Variants in SREBF2 observed in about 807,000 individuals in gnomAD.
SREBF2 encodes sterol regulatory element binding transcription factor 2.
A neutral mutation model predicts 113.1 loss-of-function variants in SREBF2; 55 were observed. The ratio of observed to expected loss-of-function variants is 0.49; its 90% CI spans 0.39 to 0.61. The LOEUF (loss-of-function observed/expected upper bound fraction) is 0.61. Among genes scored for constraint, SREBF2 ranks in the 20% least tolerant of loss-of-function variants. The probability of loss-of-function intolerance (pLI) is 0.00; values close to 1 mark genes in which losing one functional copy is unlikely to be tolerated. For synonymous variants in SREBF2, 593 were observed against 605.7 expected (o/e 0.98, Z 0.31); for missense variants, 1,349 against 1,487.4 (o/e 0.91, Z 1.53).
intron 11 of SREBF2, among the ~76,000 whole-genome samples, chr22:41,892,335 G>A (rs1252807812): frequency 1.3e-5 from 2 of 152,170 alleles, no homozygotes; most frequent in South Asian, 4.1e-4. Flanking sequence ...GCCTAAAATA[G>A]TCTAAAAGAT....
At chr22:41,837,930 G>C (rs2076794659) in intron 1 of SREBF2, among the ~76,000 whole-genome samples, 1 of 151,476 alleles carries the variant, frequency 6.6e-6, no homozygotes, top group South Asian at 2.1e-4. Context: ...TAAAAAAAAA[G>C]TACTATAGGC....
At chr22:41,857,891 G>T (rs2076992301) in intron 1 of SREBF2, among the ~76,000 whole-genome samples, 2 of 152,180 alleles carry the variant, frequency 1.3e-5, no homozygotes, top group South Asian at 4.1e-4. Context: ...GAAGGATGTG[G>T]TTGAAAGAGC....
chr22:41,863,409 GC>G (rs1255923997), intron 1 of SREBF2, among the ~76,000 whole-genome samples: 2 of 152,212 alleles, frequency 1.3e-5, no homozygotes, highest in Non-Finnish European at 2.9e-5. Flanking sequence ...CTGTGTTACA[GC>G]CCTCTGTATT....
rs1201239559 is a variant in SREBF2 at position 41,893,114 on chromosome 22, C to T, written c.2209-3C>T. 3.7e-6 allele frequency: 6 copies of T among 1,613,090 alleles called. No individual in the cohort carries two copies. The highest frequency in any genetic ancestry group is 5.1e-6 in the Non-Finnish European group (6 of 1,180,042). ...GTTACCCCTGGTCCTTGTCCTTCCA[C>T]AGAGCTACTTCCTCAGCCGAGCCCA... On this transcript the variant is annotated splice_region_variant and splice_polypyrimidine_tract_variant and intron_variant, in intron 11 of 18. Transcript: ENST00000361204.
At chr22:41,894,747 G>T (rs879932344) in intron 12 of SREBF2, 73 bp from the exon 13 acceptor site, 7 of 1,326,536 alleles carry the variant, frequency 5.3e-6, no homozygotes, top group African/African-American at 1.4e-5. Context: ...TGTGTTTGGA[G>T]TTTCTCTCCG....
At chr22:41,838,476 T>C (rs1329862203) in intron 1 of SREBF2, among the ~76,000 whole-genome samples, 2 of 152,298 alleles carry the variant, frequency 1.3e-5, no homozygotes, top group Non-Finnish European at 2.9e-5. Flanking sequence ...CTCATGCCTG[T>C]AATCCTAGCA....
intron 1 of SREBF2, among the ~76,000 whole-genome samples, chr22:41,851,982 A>G (rs539171673): frequency 1.5e-4 from 23 of 152,120 alleles, no homozygotes; most frequent in Non-Finnish European, 2.2e-4. Flanking sequence ...TTAGCCGGGC[A>G]TGGTAGCGGA....
At chr22:41,904,645 TCTC>T (rs2077490481) in intron 17 of SREBF2, 2 of 703,638 alleles carry the variant, frequency 2.8e-6, no homozygotes, top group African/African-American at 3.5e-5. Context: ...TTTGCCTCTC[TCTC>T]CTCTCATCCT....
chr22:41,853,908 G>A (rs1466678161), intron 1 of SREBF2, among the ~76,000 whole-genome samples: 1 of 151,494 alleles, frequency 6.6e-6, no homozygotes, highest in Non-Finnish European at 1.5e-5. Context: ...GGTGGCGGGC[G>A]CCTGTAGTCC....
chr22:41,882,339 A>C (rs747301444), intron 10 of SREBF2, among the ~76,000 whole-genome samples: 5 of 152,182 alleles, frequency 3.3e-5, no homozygotes, highest in Non-Finnish European at 7.3e-5. Context: ...CTTTCCAGGA[A>C]AAGGGTGGTG....
At chr22:41,892,167 A>G (rs1357637851) in intron 11 of SREBF2, among the ~76,000 whole-genome samples, 4 of 152,168 alleles carry the variant, frequency 2.6e-5, no homozygotes, top group Non-Finnish European at 5.9e-5. Flanking sequence ...CTGCACACAG[A>G]TACTTGCCTG....
At chr22:41,851,767 T>C (rs912071595) in intron 1 of SREBF2, among the ~76,000 whole-genome samples, 3 of 151,768 alleles carry the variant, frequency 2.0e-5, no homozygotes, top group African/African-American at 7.3e-5. Flanking sequence ...AGTGCTGGTA[T>C]TACAGGCATG....
chr22:41,837,687 C>T (rs933356458), intron 1 of SREBF2, among the ~76,000 whole-genome samples: 6 of 151,172 alleles, frequency 4.0e-5, no homozygotes, highest in East Asian at 1.9e-4. Flanking sequence ...GGAGAAACCC[C>T]GTCTCTACTA....
chr22:41,860,654 G>C (rs1037659587), intron 1 of SREBF2, among the ~76,000 whole-genome samples: 1 of 152,128 alleles, frequency 6.6e-6, no homozygotes, highest in Admixed American at 6.5e-5. Flanking sequence ...CAAGTCAAGA[G>C]GATCGCTTGA....
At position 41,900,477 on chromosome 22, in the gene SREBF2, C is replaced by T. The variant is rs1351869578; in HGVS notation, c.2886C>T (p.Thr962=). 1 of 1,613,458 alleles carries T rather than the reference C, an allele frequency of 6.2e-7. No homozygotes were observed. The highest frequency in any genetic ancestry group is 8.5e-7 in the Non-Finnish European group (1 of 1,179,914). Residue 962 remains threonine, a synonymous_variant, in exon 16 of 19, where the codon ACC becomes ACT. Transcript: ENST00000361204. ...GCAGCCTCAACGTCAGTGGGGCCAC[C>T]TCTGACCCTGCCCTCAACCACGTGA... ...LWSSLNVSGA[T]SDPALNHVVQ...
At chr22:41,856,593 G>A (rs2076979907) in intron 1 of SREBF2, among the ~76,000 whole-genome samples, 1 of 152,194 alleles carries the variant, frequency 6.6e-6, no homozygotes, top group Non-Finnish European at 1.5e-5. Flanking sequence ...GTCACAAGTA[G>A]AAAAGAGAAG....
chr22:41,896,266 A>G (rs1430324480), intron 13 of SREBF2, among the ~76,000 whole-genome samples: 1 of 152,172 alleles, frequency 6.6e-6, no homozygotes, highest in Non-Finnish European at 1.5e-5. Flanking sequence ...TTTCTCTCTG[A>G]CATACTTACT....
chr22:41,895,480 G>A (rs2077406763), intron 13 of SREBF2, among the ~76,000 whole-genome samples: 1 of 132,228 alleles, frequency 7.6e-6, no homozygotes, highest in East Asian at 2.3e-4. Flanking sequence ...TTGTTGCCCA[G>A]GCTGGAGTGC....
chr22:41,871,289 A>G (rs1051875868), intron 4 of SREBF2, among the ~76,000 whole-genome samples: 1 of 152,176 alleles, frequency 6.6e-6, no homozygotes, highest in Non-Finnish European at 1.5e-5. Flanking sequence ...ATTCTTGGCT[A>G]ATAGCTCCAC....
Sources: gnomAD v4.1 joint callset for allele counts (sites outside exome capture counted in the v4.1 genomes callset) on GRCh38, gnomAD v4.1.1 for gene constraint, MANE v1.5 for transcripts, NCBI Gene and HGNC (gene_info 2026-07-23, HGNC 2026-07-21) for gene names.